The following CDK5RAP2 variants were observed in gnomAD, a reference collection of about 807,000 sequenced individuals.
The protein encoded by CDK5RAP2 is CDK5 regulatory subunit associated protein 2.
CDK5RAP2 carries 147 observed loss-of-function variants against 232.9 expected under a neutral mutation model. The ratio of observed to expected loss-of-function variants is 0.63; its 90% CI spans 0.55 to 0.72. The LOEUF (loss-of-function observed/expected upper bound fraction) is 0.72, where lower values mean the gene tolerates loss of function less well. Among genes scored for constraint, CDK5RAP2 ranks in the 30% least tolerant of loss-of-function variants. The probability of loss-of-function intolerance (pLI) is 0.00; values close to 1 mark genes in which losing one functional copy is unlikely to be tolerated. For synonymous variants in CDK5RAP2, 833 were observed against 833.7 expected (o/e 1.00, Z 0.01); for missense variants, 2,195 against 2,231.5 (o/e 0.98, Z 0.33).
chr9:120,577,299 T>C (rs1588695218), intron 1 of CDK5RAP2, among the ~76,000 whole-genome samples: 1 of 151,030 alleles, frequency 6.6e-6, no homozygotes, highest in Non-Finnish European at 1.5e-5. Context: ...AGGCGGAGGT[T>C]GCAGTGAGCC....
Position 120,403,370 on chromosome 9 carries a change from G to C in CDK5RAP2, c.5042-299C>G, listed in dbSNP as rs952764892. ...GACTCAAGCTGGTGCCTGCATTCCA[G>C]TAGCCCACAGTCTGATCAGAACACA... On this transcript the variant is annotated intron_variant, in intron 33 of 37. Coordinates refer to ENST00000349780, the MANE Select transcript of CDK5RAP2 (RefSeq NM_018249.6). The surrounding 1 kb of genome is among the most constrained non-coding windows in gnomAD (Gnocchi z 4.2). 20 of 431,258 alleles carry C rather than the reference G, an allele frequency of 4.6e-5. No individual in the cohort carries two copies. The highest frequency in any genetic ancestry group is 7.4e-5 in the Admixed American group (2 of 26,998). 26.7% of individuals were successfully genotyped at this position (431,258 alleles called of 1,614,324 possible). A position where few individuals can be genotyped will look rare whatever the true frequency, so the allele number is the denominator to read the frequency against.
At chr9:120,479,683 A>C (rs1449698025) in intron 14 of CDK5RAP2, among the ~76,000 whole-genome samples, 6 of 152,242 alleles carry the variant, frequency 3.9e-5, no homozygotes, top group Non-Finnish European at 4.4e-5. Context: ...CAGGCACTTC[A>C]AAAGTGTCAA....
At chr9:120,526,909 A>G (rs1206116425) in intron 10 of CDK5RAP2, among the ~76,000 whole-genome samples, 2 of 151,746 alleles carry the variant, frequency 1.3e-5, no homozygotes, top group Non-Finnish European at 1.5e-5. Context: ...TTCCTTCCCA[A>G]CTAACTCCTA....
chr9:120,407,354 C>G (rs528947631), intron 31 of CDK5RAP2, 106 bp from the exon 32 acceptor site: 68 of 840,742 alleles, frequency 8.1e-5, no homozygotes, highest in East Asian at 2.0e-4. Flanking sequence ...TCGCCCTCCC[C>G]CTTCCTAAGA....
intron 19 of CDK5RAP2, 51 bp from the exon 20 acceptor site, chr9:120,458,673 G>C (rs2036920258): frequency 6.4e-7 from 1 of 1,554,134 alleles, no homozygotes; most frequent in Non-Finnish European, 8.9e-7. Flanking sequence ...GAAGGGAATG[G>C]GGTGTGTGGA....
intron 21 of CDK5RAP2, among the ~76,000 whole-genome samples, chr9:120,450,343 A>G (rs1054624519): frequency 6.6e-6 from 1 of 152,194 alleles, no homozygotes; most frequent in Admixed American, 6.5e-5. Context: ...GTGGTTGCCT[A>G]GGGCTGGGGT....
At chr9:120,454,478 A>G (rs2131411112) in intron 20 of CDK5RAP2, among the ~76,000 whole-genome samples, 1 of 152,374 alleles carries the variant, frequency 6.6e-6, no homozygotes, top group South Asian at 2.1e-4. Flanking sequence ...TGAAAAGAAG[A>G]TAAGTATTCC....
At chr9:120,491,739 G>A (rs2038919713) in intron 12 of CDK5RAP2, among the ~76,000 whole-genome samples, 1 of 152,048 alleles carries the variant, frequency 6.6e-6, no homozygotes, top group Non-Finnish European at 1.5e-5. Flanking sequence ...AAACTAGACA[G>A]TCAACAACAG....
intron 35 of CDK5RAP2, among the ~76,000 whole-genome samples, chr9:120,395,868 C>T (rs1467547400): frequency 3.3e-5 from 5 of 152,180 alleles, no homozygotes; most frequent in African/African-American, 1.2e-4. Context: ...GGTGAGACAA[C>T]TATAAAAGAT....
chr9:120,579,236 C>G (rs2043151347), intron 1 of CDK5RAP2, among the ~76,000 whole-genome samples: 1 of 152,226 alleles, frequency 6.6e-6, no homozygotes, highest in African/African-American at 2.4e-5. Context: ...AACACAAGAT[C>G]ATTTTTTAAG....
intron 18 of CDK5RAP2, among the ~76,000 whole-genome samples, chr9:120,464,256 G>A (rs1047540693): frequency 6.6e-5 from 10 of 151,980 alleles, no homozygotes; most frequent in Admixed American, 5.2e-4. Flanking sequence ...CCTCCAGGGA[G>A]AACTTCCCTT....
intron 12 of CDK5RAP2, among the ~76,000 whole-genome samples, chr9:120,513,977 A>G (rs2040210556): frequency 6.6e-6 from 1 of 152,218 alleles, no homozygotes; most frequent in South Asian, 2.1e-4. Context: ...TAATGCAAAG[A>G]CACCACCCCA....
At chr9:120,462,193 C>G (rs943409384) in intron 18 of CDK5RAP2, among the ~76,000 whole-genome samples, 1 of 152,180 alleles carries the variant, frequency 6.6e-6, no homozygotes, top group African/African-American at 2.4e-5. Context: ...TATTATCCAG[C>G]ATGAAACAGA....
chr9:120,501,133 C>T (rs1488632405), intron 12 of CDK5RAP2, among the ~76,000 whole-genome samples: 1 of 152,234 alleles, frequency 6.6e-6, no homozygotes, highest in Non-Finnish European at 1.5e-5. Flanking sequence ...ACCCCCCTGA[C>T]CTCGCTGCCC....
intron 12 of CDK5RAP2, among the ~76,000 whole-genome samples, chr9:120,493,084 G>A (rs1033561346): frequency 1.3e-5 from 2 of 152,160 alleles, no homozygotes; most frequent in Non-Finnish European, 2.9e-5. Context: ...CTGCATATAT[G>A]CAAATATATC....
At chr9:120,469,823 AAG>A (rs770909698) in intron 17 of CDK5RAP2, among the ~76,000 whole-genome samples, 30 of 152,240 alleles carry the variant, frequency 2.0e-4, no homozygotes, top group Non-Finnish European at 3.4e-4. Context: ...GTACAAAAAA[AAG>A]AGGTGAACAG....
intron 14 of CDK5RAP2, among the ~76,000 whole-genome samples, chr9:120,479,854 T>A (rs1262309305): frequency 2.6e-5 from 4 of 152,160 alleles, no homozygotes; most frequent in Non-Finnish European, 5.9e-5. Flanking sequence ...GATTAGAAGG[T>A]AGCAATGAAG....
At chr9:120,483,766 C>T (rs1036023386) in intron 14 of CDK5RAP2, among the ~76,000 whole-genome samples, 1 of 152,190 alleles carries the variant, frequency 6.6e-6, no homozygotes, top group Non-Finnish European at 1.5e-5. Context: ...CAAAGCCGGG[C>T]ATTTTCTACT....
intron 5 of CDK5RAP2, among the ~76,000 whole-genome samples, chr9:120,544,967 G>C (rs1156419972): frequency 3.3e-5 from 5 of 152,122 alleles, no homozygotes; most frequent in Non-Finnish European, 7.4e-5. Context: ...AAATGTTTAC[G>C]AATGAGTGAA....
Sources: gnomAD v4.1 joint callset for allele counts (sites outside exome capture counted in the v4.1 genomes callset) on GRCh38, gnomAD v4.1.1 for gene constraint, Gnocchi (gnomAD v3.1) non-coding constraint, MANE v1.5 for transcripts, NCBI Gene and HGNC (gene_info 2026-07-23, HGNC 2026-07-21) for gene names.